The following ABCB1 variants were observed in gnomAD, a reference collection of about 807,000 sequenced individuals.
ABCB1 encodes the protein ATP-dependent translocase ABCB1.
A neutral mutation model predicts 142.0 loss-of-function variants in ABCB1; 69 were observed. The observed-to-expected ratio is 0.49, with a 90% CI of 0.40 to 0.59. The LOEUF is 0.59. Ranked by LOEUF, ABCB1 falls within the 20% of genes least tolerant of loss-of-function variation. ABCB1 has a pLI of 0.00. For synonymous variants in ABCB1, 532 were observed against 539.2 expected (o/e 0.99, Z 0.18); for missense variants, 1,326 against 1,554.7 (o/e 0.85, Z 2.47).
chr7:87,530,458 A>G (rs1313559085), intron 21 of ABCB1, among the ~76,000 whole-genome samples: 1 of 152,182 alleles, frequency 6.6e-6, no homozygotes, highest in African/African-American at 2.4e-5. Flanking sequence ...CAGCCCCACT[A>G]GAAAAATGAG....
rs1321126703 is a variant in ABCB1, at chr7:87,680,379, C to T, written c.-331+32782G>A. The stretch of plus-strand genomic sequence containing the variant: ...TTTTGAACTGAATGAAAAACTAAAA[C>T]GCGTTGTATCAAAATGTGTAGCATG... On this transcript the variant is annotated intron_variant, in intron 1 of 28. Coordinates refer to the ABCB1 transcript ENST00000265724. Among the ~76,000 whole-genome samples, 17 of 150,760 alleles carry T rather than the reference C, an allele frequency of 1.1e-4. 1 individual carries two copies. Among genetic ancestry groups the T allele is most frequent in the East Asian group, 2.0e-4 (1 of 5,066 alleles).
intron 20 of ABCB1, among the ~76,000 whole-genome samples, chr7:87,532,007 T>C (rs1816077473): frequency 6.6e-6 from 1 of 152,204 alleles, no homozygotes; most frequent in African/African-American, 2.4e-5. Flanking sequence ...CATTATTATC[T>C]TCCCCTTGAA....
At chr7:87,559,886 T>C (rs1263654792) in intron 8 of ABCB1, among the ~76,000 whole-genome samples, 1 of 152,216 alleles carries the variant, frequency 6.6e-6, no homozygotes, top group Non-Finnish European at 1.5e-5. Context: ...CTGTTGGGCA[T>C]ATTATTTTTC....
At chr7:87,620,223 C>A (rs1466471056) in intron 1 of ABCB1, among the ~76,000 whole-genome samples, 1 of 151,762 alleles carries the variant, frequency 6.6e-6, no homozygotes, top group African/African-American at 2.4e-5. Flanking sequence ...TGCAATGGCA[C>A]GATCTTGACT....
At chr7:87,552,769 A>T (rs993457985) in intron 9 of ABCB1, among the ~76,000 whole-genome samples, 2 of 152,042 alleles carry the variant, frequency 1.3e-5, no homozygotes, top group Non-Finnish European at 2.9e-5. Flanking sequence ...GCTCCTGAAA[A>T]AGGGAATTGT....
At chr7:87,695,232 A>G (rs936486121) in intron 1 of ABCB1, among the ~76,000 whole-genome samples, 4 of 152,240 alleles carry the variant, frequency 2.6e-5, no homozygotes, top group Admixed American at 1.3e-4. Flanking sequence ...TCAGTGTCAT[A>G]ATTTTACCTT....
intron 1 of ABCB1, among the ~76,000 whole-genome samples, chr7:87,681,459 A>G (rs1286385508): frequency 2.7e-5 from 4 of 150,798 alleles, no homozygotes; most frequent in Non-Finnish European, 2.9e-5. Flanking sequence ...AGCAAGTCAC[A>G]AAAAATTTTT....
At chr7:87,651,675 A>G (rs1024671211) in intron 1 of ABCB1, among the ~76,000 whole-genome samples, 1 of 152,126 alleles carries the variant, frequency 6.6e-6, no homozygotes, top group African/African-American at 2.4e-5. Flanking sequence ...CATCAGTAGT[A>G]GTAACTTGCT....
At position 87,519,421 on chromosome 7, in the gene ABCB1, G is replaced by A; in HGVS notation, c.2832C>T (p.Phe944=). 6.2e-7 allele frequency: 1 copy of A among 1,614,100 alleles called. No individual in the cohort carries two copies. Among genetic ancestry groups the A allele is most frequent in the Non-Finnish European group, 8.5e-7 (1 of 1,179,950 alleles). ...KAHIFGITFS[F]TQAMMYFSYA... ...AGGAAAAATACATCATTGCCTGGGT[G>A]AAGGAAAATGTAATTCCAAAGATGT... Residue 944 remains phenylalanine (F), a synonymous_variant, in exon 23 of 28, where the codon TTC becomes TTT. Coordinates refer to ENST00000622132, the MANE Select transcript of ABCB1 (RefSeq NM_001348946.2).
At chr7:87,628,043 C>A (rs1291468288) in intron 1 of ABCB1, among the ~76,000 whole-genome samples, 2 of 152,228 alleles carry the variant, frequency 1.3e-5, no homozygotes, top group African/African-American at 4.8e-5. Context: ...TGGGAGCCGG[C>A]GCGCTGCTTT....
chr7:87,567,121 T>G (rs927420281), intron 5 of ABCB1, 145 bp from the exon 6 acceptor site: 4 of 759,254 alleles, frequency 5.3e-6, no homozygotes, highest in Admixed American at 4.1e-5. Context: ...CAAGCAGAGT[T>G]GATAGTCACC....
At chr7:87,709,409 C>A (rs1348247661) in intron 1 of ABCB1, 1 of 985,374 alleles carries the variant, frequency 1.0e-6, no homozygotes, top group African/African-American at 1.7e-5. Flanking sequence ...CTTCCTTCCT[C>A]TGTTCCAATC....
intron 1 of ABCB1, among the ~76,000 whole-genome samples, chr7:87,655,828 A>T (rs1294877780): frequency 6.6e-6 from 1 of 151,908 alleles, no homozygotes; most frequent in Non-Finnish European, 1.5e-5. Flanking sequence ...GCTTTTTGGG[A>T]GGTGTTCTTA....
chr7:87,682,812 C>T (rs2130598402), intron 1 of ABCB1, among the ~76,000 whole-genome samples: 1 of 152,294 alleles, frequency 6.6e-6, no homozygotes, highest in African/African-American at 2.4e-5. Flanking sequence ...TTAAAGCCAC[C>T]AGCTGCGTTA....
chr7:87,566,982 AAAC>A lies in ABCB1; in HGVS notation c.339-9_339-7del, dbSNP rs1817811362. The A allele has an allele frequency of 2.5e-6, 4 of 1,613,724 alleles. No individual in the cohort carries two copies. The highest frequency in any genetic ancestry group is 1.1e-5 in the South Asian group (1 of 91,064). On this transcript the variant is annotated splice_polypyrimidine_tract_variant and splice_region_variant and intron_variant, in intron 5 of 27. Coordinates refer to ENST00000622132, the MANE Select transcript of ABCB1 (RefSeq NM_001348946.2). ...CACTGTAATAATAGGCATACCTGAA[AAAC>A]AACAAGAACACTGCACATGCTCTCT...
intron 22 of ABCB1, 140 bp downstream of exon 22, chr7:87,520,636 T>G (rs1307343338): frequency 1.3e-6 from 1 of 755,690 alleles, no homozygotes; most frequent in Admixed American, 2.0e-5. Flanking sequence ...CCTGCATAAT[T>G]ACAACTGTTT....
At chr7:87,516,788 G>T in intron 23 of ABCB1, 123 bp from the exon 24 acceptor site, 1 of 965,850 alleles carries the variant, frequency 1.0e-6, no homozygotes, top group Non-Finnish European at 1.5e-6. Context: ...CCAGGCTGGA[G>T]TGCAGTAGTG....
chr7:87,651,351 G>A (rs948080421), intron 1 of ABCB1, among the ~76,000 whole-genome samples: 6 of 151,980 alleles, frequency 3.9e-5, no homozygotes, highest in Non-Finnish European at 8.8e-5. Context: ...TTAAAAAAGA[G>A]GTATGTAAGA....
At chr7:87,617,435 G>C (rs1482418298) in intron 1 of ABCB1, among the ~76,000 whole-genome samples, 1 of 152,176 alleles carries the variant, frequency 6.6e-6, no homozygotes, top group African/African-American at 2.4e-5. Flanking sequence ...ATTTAACAAT[G>C]ACAACATGTG....
Sources: gnomAD v4.1 joint callset for allele counts (sites outside exome capture counted in the v4.1 genomes callset) on GRCh38, gnomAD v4.1.1 for gene constraint, MANE v1.5 for transcripts, NCBI Gene and HGNC (gene_info 2026-07-23, HGNC 2026-07-21) for gene names.